SAXO2: variants seen among roughly 807,000 people sequenced by gnomAD.
SAXO2 encodes family with sequence similarity 154, member B.
SAXO2 carries 17 observed loss-of-function variants against 18.7 expected under a neutral mutation model. The ratio of observed to expected loss-of-function variants is 0.91; its 90% CI spans 0.62 to 1.36. The LOEUF is 1.36. Ranked by LOEUF, SAXO2 falls within the 40% of genes most tolerant of loss-of-function variation. The probability of loss-of-function intolerance (pLI) is 0.00; values close to 1 mark genes in which losing one functional copy is unlikely to be tolerated. For synonymous variants in SAXO2, 163 were observed against 181.2 expected (o/e 0.90, Z 0.81); for missense variants, 486 against 562.6 (o/e 0.86, Z 1.38).
At chr15:82,276,810 C>T (rs2075319300) in intron 3 of SAXO2, among the ~76,000 whole-genome samples, 1 of 151,870 alleles carries the variant, frequency 6.6e-6, no homozygotes, top group African/African-American at 2.4e-5. Flanking sequence ...AGCTGAGATA[C>T]CTTCTACAAA....
At position 82,282,449 on chromosome 15, in the gene SAXO2, C is replaced by T. The variant is rs762189972; in HGVS notation, c.764C>T (p.Thr255Ile). Reference sequence around the variant, plus strand: ...GACTTTCAGGGTCTCATTGGTGAAACTGCAAAACTCTGCAGACCTGTACAC... The same window carrying T: ...GACTTTCAGGGTCTCATTGGTGAAATTGCAAAACTCTGCAGACCTGTACAC... ...RCDFQGLIGE[T>I]AKLCRPVHTR... The change falls in exon 4 of 4, where the codon ACT (threonine) becomes ATT (isoleucine). Residue 255 changes from threonine to isoleucine, a missense_variant. By Grantham distance (89) the Thr-to-Ile change is moderately conservative. Coordinates refer to ENST00000682753, the MANE Select transcript of SAXO2 (RefSeq NM_001348699.2). The T allele has an allele frequency of 8.1e-6, 13 of 1,614,156 alleles. No individual in the cohort carries two copies. In the East Asian group the frequency reaches 2.7e-4, roughly 33 times the overall value.
chr15:82,264,933 A>G (rs1431663092), intron 1 of SAXO2: 2 of 575,280 alleles, frequency 3.5e-6, no homozygotes, highest in African/African-American at 1.9e-5. Context: ...ATGTGAATAC[A>G]CATAGTAGGT....
intron 2 of SAXO2, among the ~76,000 whole-genome samples, chr15:82,267,939 G>C (rs951693344): frequency 2.0e-5 from 3 of 152,212 alleles, no homozygotes; most frequent in Non-Finnish European, 2.9e-5. Flanking sequence ...GCCACTGATT[G>C]AGTGCAGCAG....
rs1346552205 is a variant in SAXO2 at position 82,279,078 on chromosome 15, CAG to C, written c.434-3039_434-3038del. ...CAGCAGCAATCAATAAATTTGAAAA[CAG>C]AAAAATAATAGAGAAAAACAATGAA... On this transcript the variant is annotated intron_variant, in intron 3 of 3. Transcript: ENST00000682753. Among the ~76,000 whole-genome samples, 5 of 151,754 alleles carry C rather than the reference CAG, an allele frequency of 3.3e-5. 1 individual carries two copies. The highest frequency in any genetic ancestry group is 2.6e-4 in the Admixed American group (4 of 15,232).
Position 82,265,586 on chromosome 15 carries a change from G to C in SAXO2, c.71G>C (p.Arg24Pro), listed in dbSNP as rs750719330. 42 of 1,367,956 alleles carry C rather than the reference G, an allele frequency of 3.1e-5. No homozygotes were observed. Among genetic ancestry groups the C allele is most frequent in the Non-Finnish European group, 3.9e-5 (41 of 1,061,872 alleles). 84.7% of individuals were successfully genotyped at this position (1,367,956 alleles called of 1,614,324 possible). The change falls in exon 2 of 4, where the codon CGT becomes CCT. Residue 24 changes from arginine (R) to proline (P), a missense_variant. Physicochemically the swap from Arg to Pro is moderately radical, Grantham distance 103 (BLOSUM62 -2). Transcript: ENST00000682753. ...ICSCGRHHCP[R>P]GTTRIYENSG... The stretch of plus-strand genomic sequence containing the variant: ...TTGCACAGGCGACATCATTGTCCAC[G>C]TGGAACCACAAGGATTTATGAAAAT...
chr15:82,274,767 G>A (rs558818600), intron 3 of SAXO2, among the ~76,000 whole-genome samples: 10 of 151,538 alleles, frequency 6.6e-5, no homozygotes, highest in African/African-American at 2.4e-4. Flanking sequence ...AAACTTCTGG[G>A]ATGTGGCAAA....
chr15:82,265,895 G>GAA (rs985863711), intron 2 of SAXO2, 147 bp downstream of exon 2: 109 of 351,984 alleles, frequency 3.1e-4, no homozygotes, highest in Non-Finnish European at 3.3e-4. Flanking sequence ...GTCACAACTT[G>GAA]AAAAAAAAAA....
chr15:82,272,537 G>T lies in SAXO2; in HGVS notation c.433+735G>T, dbSNP rs575589272. 2.0e-5 allele frequency among the ~76,000 whole-genome samples: 3 copies of T among 152,234 alleles called. No homozygotes were observed. The East Asian group carries it at 5.8e-4, about 29-fold the overall frequency. On this transcript the variant is annotated intron_variant, in intron 3 of 3. Coordinates refer to ENST00000682753, the MANE Select transcript of SAXO2 (RefSeq NM_001348699.2). Reference sequence around the variant, plus strand: ...TCCAAAAACCTGTTTTTTTGTTGTTGTTGTTGTTTTTGGGTTTTTTTTGTG... The same window carrying T: ...TCCAAAAACCTGTTTTTTTGTTGTTTTTGTTGTTTTTGGGTTTTTTTTGTG...
rs149921747 is a variant in SAXO2, at chr15:82,282,941, C to G, written c.1256C>G (p.Pro419Arg). ...ACCATGTACTCTGTAGAGTACACACCGAAAAGACAGGAAATTTGCCCAGCC... is the reference window on the plus strand; with the variant it reads ...ACCATGTACTCTGTAGAGTACACACGGAAAAGACAGGAAATTTGCCCAGCC... ...DVTMYSVEYT[P>R]KRQEICPASY... Residue 419 changes from proline to arginine, a missense_variant, in exon 4 of 4, where the codon CCG (proline) becomes CGG (arginine). Physicochemically the swap from Pro to Arg is moderately radical, Grantham distance 103 (BLOSUM62 -2). Transcript: ENST00000682753. 1.2e-6 allele frequency: 2 copies of G among 1,613,900 alleles called. No homozygotes were observed. Among genetic ancestry groups the G allele is most frequent in the East Asian group, 4.5e-5 (2 of 44,862 alleles).
In SAXO2 at chr15:82,265,744, T is replaced by C; in HGVS notation, c.229T>C (p.Phe77Leu). The change falls in exon 2 of 4, where the codon TTT (phenylalanine) becomes CTT (leucine). Residue 77 changes from phenylalanine to leucine, a missense_variant. By Grantham distance (22) the Phe-to-Leu change is conservative. Coordinates refer to ENST00000682753, the MANE Select transcript of SAXO2 (RefSeq NM_001348699.2). ...CHGKMEGITT[F>L]KSDYCPYEIV... Reference sequence around the variant, plus strand: ...TGGTAAAATGGAAGGAATAACTACATTTAAGTAAATATTTAGTAACTATTT... The same window carrying C: ...TGGTAAAATGGAAGGAATAACTACACTTAAGTAAATATTTAGTAACTATTT... 1 of 1,523,602 alleles carries C rather than the reference T, an allele frequency of 6.6e-7. No individual in the cohort carries two copies. Among genetic ancestry groups the C allele is most frequent in the African/African-American group, 1.4e-5 (1 of 72,256 alleles). 94.4% of individuals were successfully genotyped at this position (1,523,602 alleles called of 1,614,324 possible).
rs1392247955 is a variant in SAXO2 at position 82,284,847 on chromosome 15, T to G, written c.*1785T>G. Reference sequence around the variant, plus strand: ...TTCAAAAGTAATTTGTTCTTTACATTTATTAGTAAAAGTATGGTGTGTGAA... The same window carrying G: ...TTCAAAAGTAATTTGTTCTTTACATGTATTAGTAAAAGTATGGTGTGTGAA... On this transcript the variant is annotated 3_prime_UTR_variant, in exon 4 of 4. Coordinates refer to ENST00000682753, the MANE Select transcript of SAXO2 (RefSeq NM_001348699.2). The G allele has an allele frequency of 1.3e-5, 2 of 152,214 alleles. No homozygotes were observed. Among genetic ancestry groups the G allele is most frequent in the Non-Finnish European group, 2.9e-5 (2 of 68,040 alleles). The allele number at this position is 152,214 out of a possible 1,614,324, so 9.4% of individuals were successfully genotyped here. A position where few individuals can be genotyped will look rare whatever the true frequency, so the allele number is the denominator to read the frequency against.
intron 3 of SAXO2, among the ~76,000 whole-genome samples, chr15:82,278,925 TA>T (rs1281746804): frequency 2.0e-5 from 3 of 152,170 alleles, no homozygotes; most frequent in Non-Finnish European, 4.4e-5. Flanking sequence ...TCAGAAAATT[TA>T]TAGCATTTAA....
Position 82,271,680 on chromosome 15 carries a change from T to C in SAXO2, c.311T>C (p.Ile104Thr). The C allele has an allele frequency of 6.2e-7, 1 of 1,614,052 alleles. No homozygotes were observed. The highest frequency in any genetic ancestry group is 8.5e-7 in the Non-Finnish European group (1 of 1,179,902). The change falls in exon 3 of 4, where the codon ATT (isoleucine) becomes ACT (threonine). Residue 104 changes from isoleucine to threonine, a missense_variant. Ile to Thr is a moderately conservative substitution (Grantham distance 89). Transcript: ENST00000682753. ...PEEYKPKQGK[I>T]DLGTTYKRDL... ...GAATATAAACCAAAACAAGGGAAGA[T>C]TGATCTTGGTACTACCTACAAACGG... is the stretch of plus-strand genomic sequence containing the variant.
chr15:82,264,962 G>A (rs2075200855), intron 1 of SAXO2: 1 of 541,652 alleles, frequency 1.8e-6, no homozygotes, highest in South Asian at 2.7e-5. Flanking sequence ...AATTGTATGT[G>A]GAACCTTTCT....
intron 1 of SAXO2, chr15:82,264,649 G>T (rs1322196317): frequency 2.8e-6 from 2 of 702,216 alleles, no homozygotes; most frequent in Admixed American, 4.0e-5. Flanking sequence ...TTCAAAATAA[G>T]CTTCCACAAA....
intron 2 of SAXO2, among the ~76,000 whole-genome samples, chr15:82,267,679 A>C (rs1316740207): frequency 2.0e-5 from 3 of 152,214 alleles, no homozygotes; most frequent in African/African-American, 7.2e-5. Flanking sequence ...CTTTTAGTCT[A>C]ATATTTATAT....
At chr15:82,272,698 C>T (rs528386886) in intron 3 of SAXO2, among the ~76,000 whole-genome samples, 3 of 151,764 alleles carry the variant, frequency 2.0e-5, no homozygotes, top group South Asian at 2.1e-4. Context: ...CACACCACCA[C>T]GCCCAGCTAA....
intron 3 of SAXO2, among the ~76,000 whole-genome samples, chr15:82,280,009 G>T (rs1452545852): frequency 6.6e-6 from 1 of 152,132 alleles, no homozygotes; most frequent in African/African-American, 2.4e-5. Flanking sequence ...AAACTGTATT[G>T]TTAGACATGG....
intron 1 of SAXO2, among the ~76,000 whole-genome samples, chr15:82,263,729 A>C (rs2075168961): frequency 6.6e-6 from 1 of 152,188 alleles, no homozygotes; most frequent in Admixed American, 6.5e-5. Flanking sequence ...TGGGTGTATG[A>C]ATCCTCAGAC....
Sources: gnomAD v4.1 joint callset for allele counts (sites outside exome capture counted in the v4.1 genomes callset) on GRCh38, gnomAD v4.1.1 for gene constraint, MANE v1.5 for transcripts, NCBI Gene and HGNC (gene_info 2026-07-23, HGNC 2026-07-21) for gene names.